PHF24: variants seen among roughly 807,000 people sequenced by gnomAD.
PHF24 encodes Galpha inhibitory interacting protein.
In PHF24, 25 loss-of-function variants were observed where a neutral mutation model predicts 42.6. That is an observed-to-expected ratio of 0.59 (90% CI 0.43 to 0.82). PHF24 has a LOEUF of 0.82. Among genes scored for constraint, PHF24 ranks in the 40% least tolerant of loss-of-function variants. The pLI, the probability that PHF24 is intolerant of heterozygous loss-of-function variation, is 0.00. For missense variants in PHF24, 470 were observed against 538.1 expected (o/e 0.87, Z 1.25); for synonymous variants, 185 against 204.8 (o/e 0.90, Z 0.83).
the PHF24 span, among the ~76,000 whole-genome samples, chr9:34,768,111 A>G: frequency 2.0e-5 from 3 of 152,332 alleles, no homozygotes; most frequent in South Asian, 6.2e-4. Context: ...TCCTCTGCTC[A>G]TGCGCATACT....
chr9:34,893,403 T>A, the PHF24 span, among the ~76,000 whole-genome samples: 1 of 151,796 alleles, frequency 6.6e-6, no homozygotes, highest in Non-Finnish European at 1.5e-5. Flanking sequence ...GAGTTCGAGA[T>A]CAGCCTGGCC....
At chr9:34,746,852 G>A in the PHF24 span, among the ~76,000 whole-genome samples, 23 of 152,110 alleles carry the variant, frequency 1.5e-4, no homozygotes, top group Non-Finnish European at 2.9e-4. Context: ...GGCCCATCCT[G>A]TTGCTTTAGG....
chr9:34,680,158 T>G, the PHF24 span, among the ~76,000 whole-genome samples: 3 of 152,156 alleles, frequency 2.0e-5, no homozygotes, highest in African/African-American at 7.2e-5. Flanking sequence ...GCAGATCACC[T>G]GAGGTCAGGA....
At chr9:34,950,007 G>C in the PHF24 span, among the ~76,000 whole-genome samples, 1 of 149,820 alleles carries the variant, frequency 6.7e-6, no homozygotes, top group Non-Finnish European at 1.5e-5. Context: ...CCAGTACTTA[G>C]AGTAAAAAAA....
At chr9:34,820,285 G>A in the PHF24 span, among the ~76,000 whole-genome samples, 3 of 151,964 alleles carry the variant, frequency 2.0e-5, no homozygotes, top group East Asian at 1.9e-4. Flanking sequence ...TGTTATATAG[G>A]TAAATTGTGT....
chr9:34,798,721 G>T, the PHF24 span, among the ~76,000 whole-genome samples: 4 of 152,144 alleles, frequency 2.6e-5, no homozygotes, highest in Non-Finnish European at 5.9e-5. Context: ...TTTTCTATGG[G>T]TATATACCCA....
chr9:34,723,046 C>G, the PHF24 span: 1 of 736,160 alleles, frequency 1.4e-6, no homozygotes, highest in South Asian at 2.1e-5. Flanking sequence ...AGCAGACAGA[C>G]AATGTATTGC....
At chr9:34,736,362 A>C in the PHF24 span, among the ~76,000 whole-genome samples, 1 of 152,182 alleles carries the variant, frequency 6.6e-6, no homozygotes, top group Non-Finnish European at 1.5e-5. Context: ...ACTGGAGTGC[A>C]GTGGCACAAT....
the PHF24 span, chr9:34,835,931 T>C: frequency 1.3e-6 from 1 of 760,576 alleles, no homozygotes; most frequent in Non-Finnish European, 2.4e-6. Flanking sequence ...GTTGGGGAGA[T>C]CTAGTCATTC....
chr9:34,909,782 T>C, the PHF24 span, among the ~76,000 whole-genome samples: 359 of 152,260 alleles, frequency 2.4e-3, 1 homozygote, highest in African/African-American at 4.4e-3. Flanking sequence ...CCACCATGCC[T>C]GGCTAATTTT....
At chr9:34,727,093 G>A in the PHF24 span, 1 of 1,451,842 alleles carries the variant, frequency 6.9e-7, no homozygotes, top group South Asian at 1.4e-5. Context: ...GAAAACCCTG[G>A]GGCCTATACC....
chr9:34,678,491 C>T, the PHF24 span, among the ~76,000 whole-genome samples: 7 of 151,886 alleles, frequency 4.6e-5, no homozygotes, highest in African/African-American at 9.7e-5. Context: ...CCTGCCACCA[C>T]ACCCAGCTAA....
At chr9:34,819,006 C>T in the PHF24 span, among the ~76,000 whole-genome samples, 1 of 152,116 alleles carries the variant, frequency 6.6e-6, no homozygotes, top group East Asian at 1.9e-4. Context: ...TTCAGGTTAT[C>T]TGTTTCTTCT....
chr9:34,920,443 C>T, the PHF24 span, among the ~76,000 whole-genome samples: 1 of 152,046 alleles, frequency 6.6e-6, no homozygotes, highest in Non-Finnish European at 1.5e-5. Flanking sequence ...TGTGATTCCT[C>T]CAGTTTTGTT....
chr9:34,685,693 G>A, the PHF24 span, among the ~76,000 whole-genome samples: 2 of 152,162 alleles, frequency 1.3e-5, no homozygotes, highest in African/African-American at 4.8e-5. Context: ...TACATAGAAT[G>A]GTACTAATGA....
chr9:34,802,501 T>A, the PHF24 span, among the ~76,000 whole-genome samples: 2 of 152,210 alleles, frequency 1.3e-5, no homozygotes, highest in South Asian at 4.1e-4. Flanking sequence ...CCATTATGTT[T>A]CTGTTAATAC....
At chr9:34,701,553 G>A in the PHF24 span, among the ~76,000 whole-genome samples, 1 of 152,170 alleles carries the variant, frequency 6.6e-6, no homozygotes, top group African/African-American at 2.4e-5. This position sits in a 1 kb window ranked among gnomAD's most constrained non-coding sequence, Gnocchi z 5.8. Context: ...CAGAGAGGCT[G>A]CGGTGAGCGG....
At chr9:34,918,903 A>C in the PHF24 span, among the ~76,000 whole-genome samples, 1 of 152,192 alleles carries the variant, frequency 6.6e-6, no homozygotes, top group Admixed American at 6.5e-5. Flanking sequence ...TGGAAATTGA[A>C]TCAACTTCAG....
chr9:34,798,348 C>T, the PHF24 span, among the ~76,000 whole-genome samples: 1 of 152,134 alleles, frequency 6.6e-6, no homozygotes, highest in Non-Finnish European at 1.5e-5. Context: ...AGGAAGTTTT[C>T]CAGCCCTTGC....
Sources: gnomAD v4.1 joint callset for allele counts (sites outside exome capture counted in the v4.1 genomes callset) on GRCh38, gnomAD v4.1.1 for gene constraint, Gnocchi (gnomAD v3.1) non-coding constraint, MANE v1.5 for transcripts, NCBI Gene and HGNC (gene_info 2026-07-23, HGNC 2026-07-21) for gene names.